Variants in EYS observed in about 807,000 individuals in gnomAD.
EYS encodes the protein EGF-like photoreceptor maintenance factor.
Under a neutral mutation model 282.1 loss-of-function variants are expected in EYS, and 250 were observed. The ratio of observed to expected loss-of-function variants is 0.89; its 90% CI spans 0.80 to 0.98. EYS has a LOEUF of 0.98. Ranked by LOEUF, EYS falls within the 50% of genes least tolerant of loss-of-function variation. EYS has a pLI of 0.00. For synonymous variants in EYS, 1,355 were observed against 1,282.9 expected (o/e 1.06, Z -1.20); for missense variants, 4,016 against 3,709.0 (o/e 1.08, Z -2.15).
chr6:65,667,271 G>C (rs971591856), intron 1 of EYS, among the ~76,000 whole-genome samples: 1 of 151,790 alleles, frequency 6.6e-6, no homozygotes, highest in Non-Finnish European at 1.5e-5. Flanking sequence ...TTCTTCCACT[G>C]TGCTTAAAAT....
intron 2 of EYS, among the ~76,000 whole-genome samples, chr6:65,573,196 A>G (rs1052985337): frequency 6.6e-6 from 1 of 152,174 alleles, no homozygotes; most frequent in Non-Finnish European, 1.5e-5. Context: ...AATAGGCCAG[A>G]GAGGGCTCAA....
chr6:63,787,452 G>C (rs1770395106), intron 39 of EYS: 1 of 152,146 alleles, frequency 6.6e-6, no homozygotes, highest in African/African-American at 2.4e-5. Context: ...AAAGCACCCT[G>C]TATAAACAAT....
chr6:63,729,553 C>G (rs1768728788), intron 41 of EYS, among the ~76,000 whole-genome samples: 1 of 150,412 alleles, frequency 6.6e-6, no homozygotes. Flanking sequence ...ATGTGGATGT[C>G]CATTTCTTCT....
intron 33 of EYS, among the ~76,000 whole-genome samples, chr6:64,057,543 T>G (rs1041117329): frequency 1.3e-5 from 2 of 152,140 alleles, no homozygotes; most frequent in African/African-American, 4.8e-5. Flanking sequence ...TAACATTTCA[T>G]TTTTAAAAAG....
At chr6:65,571,579 G>A (rs1764477932) in intron 2 of EYS, among the ~76,000 whole-genome samples, 1 of 151,636 alleles carries the variant, frequency 6.6e-6, no homozygotes, top group African/African-American at 2.4e-5. Context: ...ATTTTATTTT[G>A]GGATGACATA....
At chr6:64,287,680 T>TA (rs1768551036) in intron 30 of EYS, among the ~76,000 whole-genome samples, 1 of 152,050 alleles carries the variant, frequency 6.6e-6, no homozygotes, top group South Asian at 2.1e-4. Flanking sequence ...CACCCTCTGT[T>TA]AGAGTTCATG....
chr6:64,689,880 G>A (rs1405246197), intron 22 of EYS, among the ~76,000 whole-genome samples: 1 of 152,166 alleles, frequency 6.6e-6, no homozygotes, highest in Non-Finnish European at 1.5e-5. Context: ...AACGCTGGAA[G>A]AAAACCTAAG....
At chr6:65,047,046 C>CTG (rs1019953120) in intron 13 of EYS, among the ~76,000 whole-genome samples, 2 of 151,718 alleles carry the variant, frequency 1.3e-5, no homozygotes, top group African/African-American at 4.8e-5. Context: ...TCTGAGGCCT[C>CTG]TGCAGCCATC....
intron 19 of EYS, among the ~76,000 whole-genome samples, chr6:64,847,671 T>C: frequency 6.6e-6 from 1 of 152,090 alleles, no homozygotes; most frequent in East Asian, 1.9e-4. Context: ...ATATCCTTTT[T>C]GGATTTACAC....
chr6:63,836,583 GA>G (rs1771812551), intron 36 of EYS, among the ~76,000 whole-genome samples: 1 of 151,806 alleles, frequency 6.6e-6, no homozygotes. Flanking sequence ...CTAAAAAGTA[GA>G]AAGAAAATAT....
At chr6:64,407,934 T>C (rs1773773206) in intron 28 of EYS, among the ~76,000 whole-genome samples, 1 of 152,100 alleles carries the variant, frequency 6.6e-6, no homozygotes, top group Admixed American at 6.6e-5. Flanking sequence ...GCTTTCACTA[T>C]GTTGGCCAGG....
intron 12 of EYS, among the ~76,000 whole-genome samples, chr6:65,257,313 G>A (rs1767496038): frequency 1.1e-5 from 1 of 91,022 alleles, no homozygotes; most frequent in South Asian, 3.3e-4. Flanking sequence ...TGTTGCCATT[G>A]CTTTTGGTGT....
chr6:63,939,760 A>C (rs892169951), intron 35 of EYS, among the ~76,000 whole-genome samples: 1 of 152,238 alleles, frequency 6.6e-6, no homozygotes, highest in Non-Finnish European at 1.5e-5. Context: ...ATGTAGATAC[A>C]TCTATTTTAT....
At chr6:64,146,609 A>G (rs1479997783) in intron 31 of EYS, among the ~76,000 whole-genome samples, 1 of 152,162 alleles carries the variant, frequency 6.6e-6, no homozygotes, top group East Asian at 1.9e-4. Context: ...GTCCACCAGT[A>G]CTTTGAAAAG....
At chr6:65,228,075 T>C (rs1253861234) in intron 12 of EYS, among the ~76,000 whole-genome samples, 1 of 152,110 alleles carries the variant, frequency 6.6e-6, no homozygotes, top group African/African-American at 2.4e-5. Flanking sequence ...TTAAGTTTGA[T>C]GTTACATATA....
chr6:64,391,420 A>G (rs61242057), intron 28 of EYS, among the ~76,000 whole-genome samples: 9,647 of 152,210 alleles, frequency 0.063, 401 homozygotes, highest in Non-Finnish European at 0.091. Context: ...GACTAACAGC[A>G]GATCTCTCGG....
chr6:64,136,907 T>G (rs1440903804), intron 31 of EYS, among the ~76,000 whole-genome samples: 1 of 152,168 alleles, frequency 6.6e-6, no homozygotes, highest in Non-Finnish European at 1.5e-5. Context: ...AACAAGAAAG[T>G]CAGCCTATCT....
chr6:64,125,385 G>T (rs556822950), intron 31 of EYS, among the ~76,000 whole-genome samples: 1 of 151,470 alleles, frequency 6.6e-6, no homozygotes, highest in East Asian at 1.9e-4. Flanking sequence ...ATTATGCCCC[G>T]TTGTAAAAGA....
chr6:65,465,214 A>G (rs1022064420), intron 5 of EYS, among the ~76,000 whole-genome samples: 1 of 152,166 alleles, frequency 6.6e-6, no homozygotes, highest in Non-Finnish European at 1.5e-5. Context: ...CTGTAATTCC[A>G]GCACTTTGGG....
Sources: allele counts gnomAD v4.1 joint callset (sites outside exome capture counted in the v4.1 genomes callset), GRCh38; gene constraint gnomAD v4.1.1; transcripts MANE v1.5; gene names NCBI Gene and HGNC (gene_info 2026-07-23, HGNC 2026-07-21).